The following PCLO variants were observed in gnomAD, a reference collection of about 807,000 sequenced individuals.
The protein encoded by PCLO is protein piccolo.
Under a neutral mutation model 427.5 loss-of-function variants are expected in PCLO, and 82 were observed. The observed-to-expected ratio is 0.19, with a 90% CI of 0.16 to 0.23. The LOEUF is 0.23. Among genes scored for constraint, PCLO ranks in the 10% least tolerant of loss-of-function variants. The pLI is 1.00. For missense variants in PCLO, 6,239 were observed against 6,115.9 expected, an observed-to-expected ratio of 1.02 and a Z score of -0.67; for synonymous variants, 2,357 against 2,155.4, an observed-to-expected ratio of 1.09 and a Z score of -2.59.
intron 22 of PCLO, among the ~76,000 whole-genome samples, chr7:82,797,408 G>T (rs190943625): frequency 4.3e-4 from 65 of 152,092 alleles, no homozygotes; most frequent in Non-Finnish European, 7.9e-4. Flanking sequence ...CTAGCTTAAA[G>T]GATGTAATTA....
chr7:82,966,889 C>T (rs960400630), intron 3 of PCLO, among the ~76,000 whole-genome samples: 10 of 152,046 alleles, frequency 6.6e-5, no homozygotes, highest in Non-Finnish European at 1.0e-4. Context: ...TATTATATTT[C>T]ATAATAATTA....
intron 22 of PCLO, among the ~76,000 whole-genome samples, chr7:82,796,941 A>G (rs1018236204): frequency 2.0e-5 from 3 of 151,620 alleles, no homozygotes; most frequent in African/African-American, 7.3e-5. Context: ...CAACTTTGGA[A>G]ATATAAGAAA....
At chr7:83,055,897 G>A (rs1351358197) in intron 3 of PCLO, among the ~76,000 whole-genome samples, 1 of 152,092 alleles carries the variant, frequency 6.6e-6, no homozygotes, top group African/African-American at 2.4e-5. Context: ...AATGCTTCAA[G>A]ACATCCAACT....
At chr7:83,100,236 G>C (rs1475091552) in intron 3 of PCLO, among the ~76,000 whole-genome samples, 9 of 152,156 alleles carry the variant, frequency 5.9e-5, no homozygotes, top group Admixed American at 5.9e-4. Flanking sequence ...TTCAGCTACT[G>C]TGGAAGTCAG....
At chr7:82,901,414 A>G (rs1278226503) in intron 9 of PCLO, among the ~76,000 whole-genome samples, 3 of 152,082 alleles carry the variant, frequency 2.0e-5, no homozygotes, top group Non-Finnish European at 4.4e-5. Context: ...CACCTTATAC[A>G]AAAATTAATT....
At position 82,952,459 on chromosome 7, in the gene PCLO, C is replaced by T. The variant is rs1323289209; in HGVS notation, c.8494G>A (p.Ala2832Thr). The T allele has an allele frequency of 6.2e-7, 1 of 1,613,902 alleles. No homozygotes were observed. Among genetic ancestry groups the T allele is most frequent in the Non-Finnish European group, 8.5e-7 (1 of 1,179,844 alleles). The change falls in exon 5 of 25, where the codon GCT (alanine) becomes ACT (threonine). Residue 2832 changes from alanine to threonine, a missense_variant. By Grantham distance (58) the Ala-to-Thr change is moderately conservative. Transcript: ENST00000333891. ...CTTGGTATCCTGTATGGGGGCTCAGCATGCTTTGATGTTGTAAGTTGGAGT... is the reference window on the plus strand; with the variant it reads ...CTTGGTATCCTGTATGGGGGCTCAGTATGCTTTGATGTTGTAAGTTGGAGT... ...TPLQLTTSKH[A>T]EPPYRIPSDQ...
rs192305625 is a variant in PCLO, at chr7:82,817,026, A to G, written c.14791+5469T>C. Among the ~76,000 whole-genome samples the G allele has an allele frequency of 7.2e-5, 11 of 152,310 alleles. No individual in the cohort carries two copies. In the East Asian group the frequency reaches 2.1e-3, roughly 29 times the overall value. On this transcript the variant is annotated intron_variant, in intron 20 of 24. Transcript: ENST00000333891. Reference sequence around the variant, plus strand: ...AGAAATATTTGAAAATGCATAGTCAATCATTCCAAGAAAATGTAGAATCTC... The same window carrying G: ...AGAAATATTTGAAAATGCATAGTCAGTCATTCCAAGAAAATGTAGAATCTC...
chr7:82,777,992 A>C (rs1366441325), intron 22 of PCLO, among the ~76,000 whole-genome samples: 1 of 152,234 alleles, frequency 6.6e-6, no homozygotes, highest in Non-Finnish European at 1.5e-5. Context: ...GAATGGGAGA[A>C]AATTTTTGCA....
chr7:83,008,566 T>C (rs1788002842), intron 3 of PCLO, among the ~76,000 whole-genome samples: 1 of 81,442 alleles, frequency 1.2e-5, no homozygotes, highest in African/African-American at 6.9e-5. Flanking sequence ...ACTGCAAAGT[T>C]CACGGTCTTT....
At chr7:83,076,774 A>G (rs1789965495) in intron 3 of PCLO, among the ~76,000 whole-genome samples, 1 of 151,798 alleles carries the variant, frequency 6.6e-6, no homozygotes, top group South Asian at 2.1e-4. Flanking sequence ...TTCTAATCCT[A>G]TGTTTAGCAA....
chr7:82,903,181 C>T (rs1794099881), intron 8 of PCLO, among the ~76,000 whole-genome samples: 3 of 151,886 alleles, frequency 2.0e-5, no homozygotes, highest in South Asian at 4.2e-4. Context: ...AGAGAAGATC[C>T]CCCTACTTTG....
At chr7:83,152,319 T>C (rs1009273620) in intron 2 of PCLO, among the ~76,000 whole-genome samples, 2 of 152,184 alleles carry the variant, frequency 1.3e-5, no homozygotes, top group African/African-American at 4.8e-5. Context: ...GTGCAACTTG[T>C]ATTTCTCCTA....
chr7:82,954,877 G>C lies in PCLO; in HGVS notation c.6076C>G (p.Gln2026Glu), dbSNP rs1308940905. 5.0e-6 allele frequency: 8 copies of C among 1,613,740 alleles called. No homozygotes were observed. The East Asian group carries it at 8.9e-5, about 18-fold the overall frequency. Residue 2026 changes from glutamine (Q) to glutamate (E), a missense_variant, in exon 5 of 25, where the codon CAG becomes GAG. Physicochemically the swap from Gln to Glu is conservative, Grantham distance 29. Coordinates refer to ENST00000333891, the MANE Select transcript of PCLO (RefSeq NM_033026.6). The part of the protein sequence containing the change: ...ELESLHSVVP[Q>E]EDIVSSSFII... ...AAAGAGCTTGAAACAATATCTTCCT[G>C]AGGCACAACAGAATGTAAGCTTTCT...
chr7:82,838,398 A>G, intron 14 of PCLO, 56 bp from the exon 15 acceptor site: 1 of 1,014,008 alleles, frequency 9.9e-7, no homozygotes, highest in Non-Finnish European at 1.4e-6. Context: ...ATACATTATC[A>G]TTCAATATTT....
chr7:82,978,981 AT>A (rs1424645485), intron 3 of PCLO, among the ~76,000 whole-genome samples: 4 of 152,124 alleles, frequency 2.6e-5, no homozygotes, highest in Non-Finnish European at 5.9e-5. Context: ...TATAATTCAT[AT>A]GCAAAAGATA....
intron 9 of PCLO, among the ~76,000 whole-genome samples, chr7:82,883,266 G>A (rs544805832): frequency 3.3e-5 from 5 of 151,874 alleles, no homozygotes; most frequent in Admixed American, 6.6e-5. Context: ...GTCCCCAAAG[G>A]ATAGTTCATT....
chr7:83,110,996 G>C (rs887867558), intron 3 of PCLO, among the ~76,000 whole-genome samples: 2 of 152,134 alleles, frequency 1.3e-5, no homozygotes, highest in Admixed American at 6.6e-5. Flanking sequence ...TTTTAGTGTG[G>C]AAGACCTTAA....
intron 3 of PCLO, among the ~76,000 whole-genome samples, chr7:83,049,183 T>C (rs1308596200): frequency 1.3e-5 from 2 of 152,116 alleles, no homozygotes; most frequent in African/African-American, 2.4e-5. Flanking sequence ...CTCTAATGTA[T>C]AATATTTTGA....
chr7:82,787,320 CA>C (rs1358640830), intron 22 of PCLO, among the ~76,000 whole-genome samples: 1 of 151,998 alleles, frequency 6.6e-6, no homozygotes, highest in Non-Finnish European at 1.5e-5. Context: ...TTTTGATTTA[CA>C]TTTCTCTAAT....
Sources: gnomAD v4.1 joint callset for allele counts (sites outside exome capture counted in the v4.1 genomes callset) on GRCh38, gnomAD v4.1.1 for gene constraint, MANE v1.5 for transcripts, NCBI Gene and HGNC (gene_info 2026-07-23, HGNC 2026-07-21) for gene names.